The following RAB3C variants were observed in gnomAD, a reference collection of about 807,000 sequenced individuals.
RAB3C encodes the protein RAB3C, member RAS oncogene family.
A neutral mutation model predicts 26.4 loss-of-function variants in RAB3C; 17 were observed. The observed-to-expected ratio is 0.64, with a 90% confidence interval of 0.44 to 0.97. The LOEUF (loss-of-function observed/expected upper bound fraction) is 0.97, where lower values mean the gene tolerates loss of function less well. Ranked by LOEUF, RAB3C falls within the 50% of genes least tolerant of loss-of-function variation. RAB3C has a pLI of 0.00. For missense variants in RAB3C, 242 were observed against 281.9 expected, an observed-to-expected ratio of 0.86 and a Z score of 1.01; for synonymous variants, 91 against 95.9, an observed-to-expected ratio of 0.95 and a Z score of 0.30.
chr5:58,827,682 T>A (rs1743517958), intron 4 of RAB3C, among the ~76,000 whole-genome samples: 1 of 152,222 alleles, frequency 6.6e-6, no homozygotes, highest in Non-Finnish European at 1.5e-5. Flanking sequence ...ATTGATTTTT[T>A]GCTCTCTATT....
chr5:58,763,652 C>T (rs1049192588), intron 3 of RAB3C, among the ~76,000 whole-genome samples: 1 of 152,180 alleles, frequency 6.6e-6, no homozygotes, highest in Non-Finnish European at 1.5e-5. Context: ...ACCACTCTTT[C>T]CACTCCCAGA....
intron 3 of RAB3C, among the ~76,000 whole-genome samples, chr5:58,819,861 C>A (rs1267249815): frequency 5.3e-5 from 8 of 152,066 alleles, no homozygotes; most frequent in Non-Finnish European, 1.5e-5. Flanking sequence ...CAGCAAGACT[C>A]CACCTCAAAA....
intron 2 of RAB3C, among the ~76,000 whole-genome samples, chr5:58,662,698 A>G (rs1476441677): frequency 4.0e-5 from 6 of 150,238 alleles, no homozygotes; most frequent in Non-Finnish European, 4.4e-5. Context: ...AAGAGAATAT[A>G]CCACAAGATA....
At chr5:58,626,460 C>T (rs1579824312) in intron 2 of RAB3C, among the ~76,000 whole-genome samples, 1 of 152,166 alleles carries the variant, frequency 6.6e-6, no homozygotes, top group Admixed American at 6.5e-5. Context: ...TCTAGACTTA[C>T]TTGGTTCTAA....
At chr5:58,715,106 A>G (rs1749141174) in intron 2 of RAB3C, among the ~76,000 whole-genome samples, 1 of 152,038 alleles carries the variant, frequency 6.6e-6, no homozygotes, top group African/African-American at 2.4e-5. Flanking sequence ...TCTAACAAGT[A>G]CCAGAGATTC....
intron 2 of RAB3C, among the ~76,000 whole-genome samples, chr5:58,668,321 T>C (rs1748042048): frequency 6.6e-6 from 1 of 152,210 alleles, no homozygotes; most frequent in African/African-American, 2.4e-5. Context: ...TGGTTCACAC[T>C]ATCTAGAATT....
At chr5:58,769,879 GTAAC>G (rs1349571393) in intron 3 of RAB3C, among the ~76,000 whole-genome samples, 1 of 152,216 alleles carries the variant, frequency 6.6e-6, no homozygotes, top group Admixed American at 6.5e-5. Flanking sequence ...CTGAAAAACA[GTAAC>G]TAAGTCACAT....
intron 2 of RAB3C, chr5:58,647,705 A>C (rs1319182248): frequency 3.3e-5 from 5 of 152,236 alleles, no homozygotes; most frequent in African/African-American, 1.2e-4. Flanking sequence ...ATTGCGTTGC[A>C]TCCAGGGTAA....
At chr5:58,692,563 A>T (rs1427145263) in intron 2 of RAB3C, among the ~76,000 whole-genome samples, 3 of 152,062 alleles carry the variant, frequency 2.0e-5, no homozygotes, top group Non-Finnish European at 4.4e-5. Context: ...CATATGCATC[A>T]TTTTTACTGT....
intron 3 of RAB3C, among the ~76,000 whole-genome samples, chr5:58,749,312 G>A (rs2111959865): frequency 6.6e-6 from 1 of 152,182 alleles, no homozygotes; most frequent in African/African-American, 2.4e-5. Flanking sequence ...ATTTCAATGT[G>A]GTTGGTTCTG....
At chr5:58,756,533 C>T (rs1451620798) in intron 3 of RAB3C, among the ~76,000 whole-genome samples, 1 of 149,602 alleles carries the variant, frequency 6.7e-6, no homozygotes, top group African/African-American at 2.5e-5. Flanking sequence ...TCCCCTGGCC[C>T]CCCACCCCCC....
At chr5:58,735,876 C>T (rs1741122376) in intron 3 of RAB3C, among the ~76,000 whole-genome samples, 1 of 152,070 alleles carries the variant, frequency 6.6e-6, no homozygotes, top group African/African-American at 2.4e-5. Flanking sequence ...ATTCCTAATA[C>T]CCAGTACAGC....
chr5:58,585,698 T>G (rs1745995769), intron 1 of RAB3C, among the ~76,000 whole-genome samples: 1 of 152,132 alleles, frequency 6.6e-6, no homozygotes, highest in Non-Finnish European at 1.5e-5. Flanking sequence ...ATAAATAAGT[T>G]GATGTTCTGT....
At chr5:58,719,659 T>C (rs920658355) in intron 2 of RAB3C, among the ~76,000 whole-genome samples, 3 of 151,992 alleles carry the variant, frequency 2.0e-5, no homozygotes, top group Admixed American at 1.3e-4. Context: ...CTGAAGGCTC[T>C]AGGGGAGAAT....
chr5:58,624,257 A>C (rs1476517789), intron 2 of RAB3C, among the ~76,000 whole-genome samples: 2 of 152,144 alleles, frequency 1.3e-5, no homozygotes, highest in East Asian at 3.9e-4. Context: ...GCCTGAGCAC[A>C]GCACACACAG....
chr5:58,821,782 C>T (rs559401618), intron 3 of RAB3C, among the ~76,000 whole-genome samples: 1 of 152,136 alleles, frequency 6.6e-6, no homozygotes, highest in Non-Finnish European at 1.5e-5. Context: ...CCCTATCTGC[C>T]TCTTCACTCT....
chr5:58,735,592 C>A (rs771820395), intron 3 of RAB3C, among the ~76,000 whole-genome samples: 2 of 152,156 alleles, frequency 1.3e-5, no homozygotes, highest in Non-Finnish European at 2.9e-5. Flanking sequence ...AAGATTGATT[C>A]TTTCTGAGGG....
At chr5:58,688,712 C>G (rs565712540) in intron 2 of RAB3C, among the ~76,000 whole-genome samples, 1 of 152,102 alleles carries the variant, frequency 6.6e-6, no homozygotes, top group Admixed American at 6.6e-5. Flanking sequence ...ATTTCTTTGG[C>G]CTTTGAATCT....
Position 58,612,516 on chromosome 5 carries a change from G to GTATATATATATATATATA in RAB3C, c.25-5126_25-5125insATATATATATATATATAT, listed in dbSNP as rs1561266342. On this transcript the variant is annotated intron_variant, in intron 1 of 4. Transcript: ENST00000282878. Reference sequence around the variant, plus strand: ...TGTGTGTGTGTGTGTGTGTGTGTGTGTGTGTATATATATATATATATATAT... The same window carrying GTATATATATATATATATA: ...TGTGTGTGTGTGTGTGTGTGTGTGTGTATATATATATATATATATGTGTATATATATATATATATATAT... Among the ~76,000 whole-genome samples, 249 of 40,946 alleles carry GTATATATATATATATATA rather than the reference G, an allele frequency of 6.1e-3. 9 individuals are homozygous for GTATATATATATATATATA. The highest frequency in any genetic ancestry group is 0.021 in the African/African-American group (237 of 11,284). 26.9% of individuals were successfully genotyped at this position (40,946 alleles called of 152,430 possible). A position where few individuals can be genotyped will look rare whatever the true frequency, so the allele number is the denominator to read the frequency against.
Sources: gnomAD v4.1 joint callset for allele counts (sites outside exome capture counted in the v4.1 genomes callset) on GRCh38, gnomAD v4.1.1 for gene constraint, MANE v1.5 for transcripts, NCBI Gene and HGNC (gene_info 2026-07-23, HGNC 2026-07-21) for gene names.